Variants in DMRT3 observed in about 807,000 individuals in gnomAD.
The protein encoded by DMRT3 is doublesex and mab-3 related transcription factor 3.
DMRT3 carries 29 observed loss-of-function variants against 34.9 expected under a neutral mutation model. The observed-to-expected ratio is 0.83, with a 90% confidence interval of 0.62 to 1.13. DMRT3 has a LOEUF of 1.13. DMRT3 is among the 50% of genes most tolerant of loss of function. DMRT3 has a pLI of 0.00. For synonymous variants in DMRT3, 350 were observed against 286.0 expected (o/e 1.22, Z -2.26); for missense variants, 772 against 629.1 (o/e 1.23, Z -2.43).
intron 1 of DMRT3, among the ~76,000 whole-genome samples, chr9:983,662 C>A (rs1820248624): frequency 6.6e-6 from 1 of 152,136 alleles, no homozygotes; most frequent in Admixed American, 6.6e-5. Flanking sequence ...ACCAAATAAA[C>A]ATGTAGATTT....
chr9:986,130 G>A (rs1377948636), intron 1 of DMRT3, among the ~76,000 whole-genome samples: 3 of 152,162 alleles, frequency 2.0e-5, no homozygotes, highest in Non-Finnish European at 2.9e-5. Context: ...GGGGCAAAGG[G>A]TAACACAACA....
chr9:985,779 C>T (rs12350272), intron 1 of DMRT3, among the ~76,000 whole-genome samples: 1 of 152,260 alleles, frequency 6.6e-6, no homozygotes, highest in South Asian at 2.1e-4. Flanking sequence ...ACTCCAACAG[C>T]CTTACATGTT....
Position 990,838 on chromosome 9 carries a change from G to T in DMRT3, c.1252G>T (p.Val418Phe), listed in dbSNP as rs780364024. Residue 418 changes from valine to phenylalanine, a missense_variant, in exon 2 of 2, where the codon GTC (valine) becomes TTC (phenylalanine). Val to Phe is a conservative substitution (Grantham distance 50, BLOSUM62 -1). Coordinates refer to ENST00000190165, the MANE Select transcript of DMRT3 (RefSeq NM_021240.4). The part of the protein sequence containing the change: ...VSPFPSNSTS[V>F]FRSSPVLPAR... ...TCCTTTCCCCAGTAACTCTACCAGCGTCTTCAGAAGCTCGCCCGTCCTTCC... is the reference window on the plus strand; with the variant it reads ...TCCTTTCCCCAGTAACTCTACCAGCTTCTTCAGAAGCTCGCCCGTCCTTCC... The T allele has an allele frequency of 3.7e-6, 6 of 1,614,098 alleles. No individual in the cohort carries two copies. The South Asian group carries it at 5.5e-5, about 15-fold the overall frequency.
At chr9:987,753 T>C (rs1385537600) in intron 1 of DMRT3, among the ~76,000 whole-genome samples, 1 of 152,182 alleles carries the variant, frequency 6.6e-6, no homozygotes, top group African/African-American at 2.4e-5. Context: ...ATAATTACGC[T>C]AAAATTAAAA....
At position 977,095 on chromosome 9, in the gene DMRT3, T is replaced by G. The variant is rs765213578; in HGVS notation, c.94T>G (p.Cys32Gly). Residue 32 changes from cysteine (C) to glycine (G), a missense_variant, in exon 1 of 2, where the codon TGC becomes GGC. By Grantham distance (159) the Cys-to-Gly change is radical (BLOSUM62 -3). Coordinates refer to ENST00000190165, the MANE Select transcript of DMRT3 (RefSeq NM_021240.4). ...GCAGCGCACGCCCAAGTGCGCGCGCTGCCGCAACCATGGCGTCCTGTCCTG... is the reference window on the plus strand; with the variant it reads ...GCAGCGCACGCCCAAGTGCGCGCGCGGCCGCAACCATGGCGTCCTGTCCTG... ...PLQRTPKCARCRNHGVLSWLK... is the reference protein window; with the variant it reads ...PLQRTPKCARGRNHGVLSWLK... 6.2e-7 allele frequency: 1 copy of G among 1,604,434 alleles called. No homozygotes were observed. Among genetic ancestry groups the G allele is most frequent in the Non-Finnish European group, 8.5e-7 (1 of 1,176,202 alleles).
At position 990,025 on chromosome 9, in the gene DMRT3, C is replaced by T. The variant is rs200133883; in HGVS notation, c.455-16C>T. 548 of 1,612,772 alleles carry T rather than the reference C, an allele frequency of 3.4e-4. No homozygotes were observed. Among genetic ancestry groups the T allele is most frequent in the Non-Finnish European group, 4.4e-4 (520 of 1,179,436 alleles). On this transcript the variant is annotated splice_polypyrimidine_tract_variant and intron_variant, in intron 1 of 1. Transcript: ENST00000190165. ...GCACACCAGGAAAAGATTAACTCAG[C>T]TGTTCTGTTTTCCAGATTTGACTGA...
Position 990,150 on chromosome 9 carries a change from C to T in DMRT3, c.564C>T (p.Gly188=). Residue 188 remains glycine (G), a synonymous_variant, in exon 2 of 2, where the codon GGC becomes GGT. Coordinates refer to ENST00000190165, the MANE Select transcript of DMRT3 (RefSeq NM_021240.4). ...CCCCAGATGTGGCAAAGAGTAAGGG[C>T]TGCTTCACCCCTGAGAGCCCTGAGA... is the stretch of plus-strand genomic sequence containing the variant. ...RSSPDVAKSK[G]CFTPESPEIV... 1 of 1,614,060 alleles carries T rather than the reference C, an allele frequency of 6.2e-7. No individual in the cohort carries two copies. The highest frequency in any genetic ancestry group is 8.5e-7 in the Non-Finnish European group (1 of 1,180,012).
chr9:979,887 G>A (rs1228193914), intron 1 of DMRT3, among the ~76,000 whole-genome samples: 1 of 152,190 alleles, frequency 6.6e-6, no homozygotes, highest in African/African-American at 2.4e-5. Context: ...TAAGTGCAGA[G>A]AGTAAGCAAA....
At chr9:982,686 C>T (rs1197666834) in intron 1 of DMRT3, among the ~76,000 whole-genome samples, 3 of 152,248 alleles carry the variant, frequency 2.0e-5, no homozygotes, top group African/African-American at 7.2e-5. Flanking sequence ...AATAAATCTT[C>T]ATAAATCAAA....
chr9:990,928 C>A lies in DMRT3; in HGVS notation c.1342C>A (p.Gln448Lys). 1 of 1,614,146 alleles carries A rather than the reference C, an allele frequency of 6.2e-7. No homozygotes were observed. Among genetic ancestry groups the A allele is most frequent in the Non-Finnish European group, 8.5e-7 (1 of 1,180,036 alleles). Residue 448 changes from glutamine (Q) to lysine (K), a missense_variant, in exon 2 of 2, where the codon CAG becomes AAG. Transcript: ENST00000190165. ...TGATGGGTGTCCATTTGTGTCAAAG[C>A]AGTCCATTTACACCGAGGACGACTA... ...PDDGCPFVSK[Q>K]SIYTEDDYDE... is the part of the protein sequence containing the mutation.
chr9:978,414 C>G (rs548327381), intron 1 of DMRT3, among the ~76,000 whole-genome samples: 1 of 152,270 alleles, frequency 6.6e-6, no homozygotes, highest in Non-Finnish European at 1.5e-5. Context: ...TTCTCCTTAA[C>G]TGGGGCAAAT....
rs150469975 is a variant in DMRT3, at chr9:987,538, G to T, written c.455-2503G>T. ...TGGCTATTGTGAATGCTGCTGCCATGAACATTGGTATACAATGTGTGTCAT... is the reference window on the plus strand; with the variant it reads ...TGGCTATTGTGAATGCTGCTGCCATTAACATTGGTATACAATGTGTGTCAT... On this transcript the variant is annotated intron_variant, in intron 1 of 1. Transcript: ENST00000190165. Among the ~76,000 whole-genome samples, 14 of 152,032 alleles carry T rather than the reference G, an allele frequency of 9.2e-5. No homozygotes were observed. In the East Asian group the frequency reaches 2.3e-3, roughly 25 times the overall value.
At chr9:985,122 A>G (rs935726963) in intron 1 of DMRT3, among the ~76,000 whole-genome samples, 3 of 152,342 alleles carry the variant, frequency 2.0e-5, no homozygotes, top group Admixed American at 1.3e-4. Context: ...AGGGATAGCT[A>G]TAAGTGTTTC....
In DMRT3 at chr9:980,378, G is replaced by A. The variant is rs992211786; in HGVS notation, c.454+2923G>A. Among the ~76,000 whole-genome samples the A allele has an allele frequency of 5.9e-5, 9 of 152,102 alleles. No homozygotes were observed. In the East Asian group the frequency reaches 1.7e-3, roughly 29 times the overall value. On this transcript the variant is annotated intron_variant, in intron 1 of 1. Coordinates refer to ENST00000190165, the MANE Select transcript of DMRT3 (RefSeq NM_021240.4). Reference sequence around the variant, plus strand: ...TTTTAAGGAGAATTTTCATATTCTAGTGGTTTTTACTTCTAGTTATGAAGT... The same window carrying A: ...TTTTAAGGAGAATTTTCATATTCTAATGGTTTTTACTTCTAGTTATGAAGT...
chr9:984,642 T>C (rs1388489203), intron 1 of DMRT3, among the ~76,000 whole-genome samples: 1 of 151,982 alleles, frequency 6.6e-6, no homozygotes, highest in Non-Finnish European at 1.5e-5. Flanking sequence ...GTATTTTTAG[T>C]AGAGATGAGG....
intron 1 of DMRT3, among the ~76,000 whole-genome samples, chr9:989,069 T>C (rs1377569485): frequency 6.6e-6 from 1 of 152,216 alleles, no homozygotes; most frequent in African/African-American, 2.4e-5. Context: ...CGCAAGTCTC[T>C]GCTTTATTTG....
At position 990,139 on chromosome 9, in the gene DMRT3, A is replaced by G. The variant is rs137904899; in HGVS notation, c.553A>G (p.Lys185Glu). The G allele has an allele frequency of 3.7e-6, 6 of 1,613,916 alleles. No individual in the cohort carries two copies. The African/African-American group carries it at 5.3e-5, about 14-fold the overall frequency. The change falls in exon 2 of 2, where the codon AAG becomes GAG. Residue 185 changes from lysine to glutamate, a missense_variant. Coordinates refer to ENST00000190165, the MANE Select transcript of DMRT3 (RefSeq NM_021240.4). ...TDQRSSPDVA[K>E]SKGCFTPESP... ...CCAGAGGAGTTCCCCAGATGTGGCA[A>G]AGAGTAAGGGCTGCTTCACCCCTGA...
intron 1 of DMRT3, among the ~76,000 whole-genome samples, chr9:980,464 C>G (rs1366413728): frequency 8.5e-6 from 1 of 117,000 alleles, no homozygotes; most frequent in African/African-American, 3.0e-5. Context: ...TACGATGGAC[C>G]TGGAATTAAT....
At chr9:989,480 C>G (rs1023178624) in intron 1 of DMRT3, among the ~76,000 whole-genome samples, 14 of 152,176 alleles carry the variant, frequency 9.2e-5, no homozygotes, top group African/African-American at 3.4e-4. Flanking sequence ...AATTAGCTAG[C>G]TATTGTATAT....
Sources: gnomAD v4.1 joint callset for allele counts (sites outside exome capture counted in the v4.1 genomes callset) on GRCh38, gnomAD v4.1.1 for gene constraint, MANE v1.5 for transcripts, NCBI Gene and HGNC (gene_info 2026-07-23, HGNC 2026-07-21) for gene names.